GGT5: variants seen among roughly 807,000 people sequenced by gnomAD.
GGT5 encodes gamma-glutamyltransferase 5, also known as glutathione hydrolase 5 proenzyme.
In GGT5, 50 loss-of-function variants were observed where a neutral mutation model predicts 58.1. That is an observed-to-expected ratio of 0.86 (90% CI 0.69 to 1.09). The LOEUF is 1.09. Among genes scored for constraint, GGT5 ranks in the 50% least tolerant of loss-of-function variants. GGT5 has a pLI of 0.00. For synonymous variants in GGT5, 370 were observed against 346.1 expected, an observed-to-expected ratio of 1.07 and a Z score of -0.77; for missense variants, 800 against 789.4, an observed-to-expected ratio of 1.01 and a Z score of -0.16.
In GGT5 at chr22:24,219,949, A is replaced by AGCTCTGG; in HGVS notation, c.*14_*20dup. On this transcript the variant is annotated 3_prime_UTR_variant, in exon 12 of 12. Coordinates refer to ENST00000327365, the MANE Select transcript of GGT5 (RefSeq NM_004121.5). ...AGGACTCATGGTGGGGCCAGACTTC[A>AGCTCTGG]GCTCTGGGCAGAGCAGTGTCTTAGT... 2 of 1,612,224 alleles carry AGCTCTGG rather than the reference A, an allele frequency of 1.2e-6. No homozygotes were observed. The highest frequency in any genetic ancestry group is 1.7e-6 in the Non-Finnish European group (2 of 1,178,610).
rs1026134045 is a variant in GGT5 at position 24,222,892 on chromosome 22, A to G, written c.1614+2104T>C. Among the ~76,000 whole-genome samples the G allele has an allele frequency of 2.6e-5, 4 of 152,092 alleles. No individual in the cohort carries two copies. In the East Asian group the frequency reaches 5.8e-4, roughly 22 times the overall value. On this transcript the variant is annotated intron_variant, in intron 11 of 11. Transcript: ENST00000327365. ...GGAGATCGAGACCATCCTGGCTAAC[A>G]CGGTGAAACCCTGTCTCTACTAAAA...
At chr22:24,235,670 A>G (rs1376997366) in intron 1 of GGT5, among the ~76,000 whole-genome samples, 1 of 152,244 alleles carries the variant, frequency 6.6e-6, no homozygotes, top group East Asian at 1.9e-4. Flanking sequence ...TTTTATAAGA[A>G]TAAAACACCA....
Position 24,230,094 on chromosome 22 carries a change from G to A in GGT5, c.901+1290C>T, listed in dbSNP as rs763046460. On this transcript the variant is annotated intron_variant, in intron 6 of 11. Transcript: ENST00000327365. ...CTAAAAAGATAAAAATCATCTGGGC[G>A]CGGTGGCTCATGCCTGTAATCCCAG... is the stretch of plus-strand genomic sequence containing the variant. Among the ~76,000 whole-genome samples the A allele has an allele frequency of 5.3e-5, 8 of 152,188 alleles. No individual in the cohort carries two copies. The East Asian group carries it at 5.8e-4, about 11-fold the overall frequency.
At chr22:24,227,408 G>T (rs994429788) in intron 6 of GGT5, among the ~76,000 whole-genome samples, 1 of 152,034 alleles carries the variant, frequency 6.6e-6, no homozygotes, top group East Asian at 1.9e-4. Flanking sequence ...CATCATGCCC[G>T]GCTAATTTTT....
chr22:24,220,463 A>T, intron 11 of GGT5: 1 of 484,164 alleles, frequency 2.1e-6, no homozygotes, highest in South Asian at 1.5e-5. Context: ...CAAGATTTAG[A>T]CACTGAGGCC....
rs928685613 is a variant in GGT5, at chr22:24,225,598, G to A, written c.1284C>T (p.Leu428=). Residue 428 remains leucine (L), a synonymous_variant, in exon 9 of 12, where the codon CTC becomes CTT. Transcript: ENST00000327365. The stretch of plus-strand genomic sequence containing the variant: ...GGGGGCATCGCTCGCATAAGTCCAG[G>A]AGCTCGTTGTTGAGGATGATGCCTG... ...PRTGIILNNE[L]LDLCERCPRG... is the part of the protein sequence containing the mutation. 1 of 1,613,604 alleles carries A rather than the reference G, an allele frequency of 6.2e-7. No individual in the cohort carries two copies. Among genetic ancestry groups the A allele is most frequent in the African/African-American group, 1.3e-5 (1 of 74,928 alleles).
intron 9 of GGT5, 58 bp from the exon 10 acceptor site, chr22:24,225,469 AC>A: frequency 6.2e-7 from 1 of 1,602,164 alleles, no homozygotes; most frequent in Non-Finnish European, 8.5e-7. Context: ...TTAGCATGCA[AC>A]CCCAGCCCAG....
intron 11 of GGT5, among the ~76,000 whole-genome samples, chr22:24,222,308 G>A (rs562743845): frequency 6.6e-6 from 1 of 152,304 alleles, no homozygotes; most frequent in African/African-American, 2.4e-5. Context: ...GGCCTGAGCT[G>A]CTGACAGGGC....
intron 1 of GGT5, chr22:24,241,703 A>T (rs1435962346): frequency 1.3e-5 from 2 of 152,148 alleles, no homozygotes; most frequent in Non-Finnish European, 2.9e-5. Context: ...TCCAAAAAAC[A>T]ACATACTAGG....
At chr22:24,226,329 G>A in intron 7 of GGT5, 63 bp from the exon 8 acceptor site, 1 of 1,353,122 alleles carries the variant, frequency 7.4e-7, no homozygotes, top group Non-Finnish European at 1.0e-6. Flanking sequence ...AGAACCAAGG[G>A]CAGGATGAGA....
At chr22:24,236,752 G>A (rs1234446675) in intron 1 of GGT5, among the ~76,000 whole-genome samples, 3 of 120,966 alleles carry the variant, frequency 2.5e-5, no homozygotes, top group African/African-American at 1.0e-4. Flanking sequence ...AACGGAGAGA[G>A]ACTCCATCTC....
At chr22:24,238,874 AAT>A (rs1436615297) in intron 1 of GGT5, among the ~76,000 whole-genome samples, 1 of 10,266 alleles carries the variant, frequency 9.7e-5, no homozygotes, top group Non-Finnish European at 1.5e-4. Flanking sequence ...TAATATATAT[AAT>A]ATATATTATA....
At chr22:24,236,762 CAA>C (rs35357003) in intron 1 of GGT5, among the ~76,000 whole-genome samples, 7 of 133,658 alleles carry the variant, frequency 5.2e-5, no homozygotes, top group Admixed American at 7.7e-5. Flanking sequence ...GACTCCATCT[CAA>C]AAAAAAAAAA....
chr22:24,221,063 A>G (rs2047575034), intron 11 of GGT5, among the ~76,000 whole-genome samples: 1 of 151,444 alleles, frequency 6.6e-6, no homozygotes, highest in South Asian at 2.1e-4. Context: ...TTGCAAAATT[A>G]TGACTGAGAC....
At position 24,226,196 on chromosome 22, in the gene GGT5, T is replaced by C. The variant is rs756561988; in HGVS notation, c.1109A>G (p.Asp370Gly). 6.2e-7 allele frequency: 1 copy of C among 1,608,962 alleles called. No homozygotes were observed. Among genetic ancestry groups the C allele is most frequent in the Non-Finnish European group, 8.5e-7 (1 of 1,179,608 alleles). Residue 370 changes from aspartate (D) to glycine (G), a missense_variant, in exon 8 of 12, where the codon GAC becomes GGC. Coordinates refer to ENST00000327365, the MANE Select transcript of GGT5 (RefSeq NM_004121.5). ...CAAGCTGTAGTGGCTGAGCTGGTGG[T>C]CCCCCCGGCCATCGATCTGTTGGCG... is the stretch of plus-strand genomic sequence containing the variant. ...LIRQQIDGRG[D>G]HQLSHYSLAE...
chr22:24,224,280 C>T (rs912455584), intron 11 of GGT5, among the ~76,000 whole-genome samples: 18 of 151,732 alleles, frequency 1.2e-4, no homozygotes, highest in Admixed American at 5.9e-4. Context: ...GAGGCCAAGG[C>T]GGGAAGATTG....
chr22:24,244,326 CATACACAT>C, intron 1 of GGT5: 1 of 558,250 alleles, frequency 1.8e-6, no homozygotes, highest in Non-Finnish European at 3.2e-6. Flanking sequence ...CCCACCCACA[CATACACAT>C]ACCCACACAC....
intron 1 of GGT5, among the ~76,000 whole-genome samples, chr22:24,237,861 C>G (rs1207548578): frequency 1.3e-5 from 2 of 152,032 alleles, no homozygotes; most frequent in African/African-American, 2.4e-5. Flanking sequence ...AGACCATGTA[C>G]TTTAAAATAA....
At position 24,226,634 on chromosome 22, in the gene GGT5, G is replaced by C. The variant is rs780981398; in HGVS notation, c.1035C>G (p.Leu345=). The change falls in exon 7 of 12, where the codon CTC becomes CTG. Residue 345 remains leucine (L), a synonymous_variant. Coordinates refer to ENST00000327365, the MANE Select transcript of GGT5 (RefSeq NM_004121.5). ...RLGDPRSHPK[L]QNASRDLLGE... ...CCAGCAACCTCAGCAACCTCACCTG[G>C]AGCTTCGGGTGGCTTCGAGGGTCCC... The C allele has an allele frequency of 8.1e-6, 13 of 1,614,012 alleles. No individual in the cohort carries two copies. In the Admixed American group the frequency reaches 2.2e-4, roughly 27 times the overall value.
Sources: allele counts gnomAD v4.1 joint callset (sites outside exome capture counted in the v4.1 genomes callset), GRCh38; gene constraint gnomAD v4.1.1; transcripts MANE v1.5; gene names NCBI Gene and HGNC (gene_info 2026-07-23, HGNC 2026-07-21).